ZMAT4: variants seen among roughly 807,000 people sequenced by gnomAD.
The protein encoded by ZMAT4 is zinc finger matrin-type protein 4.
Under a neutral mutation model 28.7 loss-of-function variants are expected in ZMAT4, and 17 were observed. The ratio of observed to expected loss-of-function variants is 0.59; its 90% confidence interval spans 0.41 to 0.89. The LOEUF (loss-of-function observed/expected upper bound fraction) is 0.89. ZMAT4 is among the 40% of genes least tolerant of loss of function. The pLI, the probability that ZMAT4 is intolerant of heterozygous loss-of-function variation, is 0.00. For missense variants in ZMAT4, 240 were observed against 283.8 expected (o/e 0.85, Z 1.11); for synonymous variants, 117 against 109.2 (o/e 1.07, Z -0.44).
intron 2 of ZMAT4, among the ~76,000 whole-genome samples, chr8:40,824,407 A>G (rs1017215864): frequency 3.3e-5 from 5 of 152,178 alleles, no homozygotes; most frequent in Non-Finnish European, 5.9e-5. Context: ...CTCGTGCCAC[A>G]GCACTCCAGC....
chr8:40,709,726 G>T (rs986293487), intron 3 of ZMAT4, among the ~76,000 whole-genome samples: 1 of 152,178 alleles, frequency 6.6e-6, no homozygotes, highest in Non-Finnish European at 1.5e-5. Flanking sequence ...AATGACTATG[G>T]AGACATTGAT....
intron 4 of ZMAT4, among the ~76,000 whole-genome samples, chr8:40,682,022 A>C (rs879301763): frequency 1.3e-5 from 2 of 152,156 alleles, no homozygotes; most frequent in African/African-American, 2.4e-5. Flanking sequence ...TTATATAACT[A>C]TAACTACTAC....
intron 3 of ZMAT4, among the ~76,000 whole-genome samples, chr8:40,756,085 C>T (rs1348190490): frequency 1.3e-5 from 2 of 152,068 alleles, no homozygotes; most frequent in African/African-American, 4.8e-5. Context: ...GGACCTTAAA[C>T]ATTATTGCTT....
chr8:40,846,381 G>A (rs1816900215), intron 1 of ZMAT4, among the ~76,000 whole-genome samples: 1 of 152,188 alleles, frequency 6.6e-6, no homozygotes, highest in South Asian at 2.1e-4. Flanking sequence ...AAGGCGCAGA[G>A]CTCAGGGCTG....
At chr8:40,861,906 A>G (rs1015371121) in intron 1 of ZMAT4, among the ~76,000 whole-genome samples, 3 of 152,162 alleles carry the variant, frequency 2.0e-5, no homozygotes, top group African/African-American at 4.8e-5. Flanking sequence ...CAATCATTAA[A>G]AAGTCAGGAA....
chr8:40,691,247 T>G (rs1809649340), intron 4 of ZMAT4, among the ~76,000 whole-genome samples: 1 of 152,176 alleles, frequency 6.6e-6, no homozygotes. Flanking sequence ...AACTCATGTC[T>G]GAGCAAAGCT....
chr8:40,609,342 C>T (rs764441468), intron 5 of ZMAT4, among the ~76,000 whole-genome samples: 1 of 152,080 alleles, frequency 6.6e-6, no homozygotes, highest in Non-Finnish European at 1.5e-5. Flanking sequence ...GTTCTCAGAC[C>T]AGCATTGGTC....
intron 4 of ZMAT4, among the ~76,000 whole-genome samples, chr8:40,695,323 C>T (rs1387209748): frequency 6.6e-6 from 1 of 152,196 alleles, no homozygotes; most frequent in Non-Finnish European, 1.5e-5. Context: ...GTTTAGCTTC[C>T]TAGGCCCTCT....
chr8:40,812,627 AC>A (rs772663291), intron 2 of ZMAT4, among the ~76,000 whole-genome samples: 3 of 152,176 alleles, frequency 2.0e-5, no homozygotes, highest in Non-Finnish European at 4.4e-5. Flanking sequence ...ATTGGACTTG[AC>A]ACTTTAAAAT....
intron 4 of ZMAT4, among the ~76,000 whole-genome samples, chr8:40,680,015 G>A (rs1377349978): frequency 6.6e-6 from 1 of 152,150 alleles, no homozygotes; most frequent in African/African-American, 2.4e-5. Flanking sequence ...ATAAATATAA[G>A]CCAGTATCTG....
intron 1 of ZMAT4, among the ~76,000 whole-genome samples, chr8:40,862,371 G>A (rs1263857175): frequency 2.2e-5 from 3 of 134,902 alleles, no homozygotes; most frequent in Non-Finnish European, 4.6e-5. Context: ...ACTGAACAAT[G>A]AGATCACTTG....
At chr8:40,832,831 G>A (rs1007067485) in intron 1 of ZMAT4, among the ~76,000 whole-genome samples, 7 of 152,188 alleles carry the variant, frequency 4.6e-5, no homozygotes, top group Admixed American at 3.3e-4. Flanking sequence ...TTAAAACAAA[G>A]GAGAGGGGCT....
At chr8:40,873,927 A>G (rs1817948938) in intron 1 of ZMAT4, among the ~76,000 whole-genome samples, 1 of 152,198 alleles carries the variant, frequency 6.6e-6, no homozygotes, top group African/African-American at 2.4e-5. Context: ...GAGTAAGCCC[A>G]GCGTGCGTGA....
intron 5 of ZMAT4, among the ~76,000 whole-genome samples, chr8:40,649,948 C>T (rs1000573566): frequency 3.3e-4 from 50 of 151,754 alleles, no homozygotes; most frequent in African/African-American, 1.2e-3. Flanking sequence ...AAATTTATAG[C>T]ACTAAATGCC....
At chr8:40,702,482 A>G (rs188654111) in intron 3 of ZMAT4, among the ~76,000 whole-genome samples, 4 of 152,358 alleles carry the variant, frequency 2.6e-5, no homozygotes, top group African/African-American at 7.2e-5. Context: ...GGAGTAACCT[A>G]AGGCTGCTCA....
intron 3 of ZMAT4, among the ~76,000 whole-genome samples, chr8:40,701,319 C>A (rs940209649): frequency 9.9e-5 from 15 of 151,882 alleles, no homozygotes; most frequent in African/African-American, 2.2e-4. Context: ...AAAGAGGGAC[C>A]AGGCAATTTT....
intron 1 of ZMAT4, among the ~76,000 whole-genome samples, chr8:40,861,877 C>T (rs1210939972): frequency 6.6e-6 from 1 of 152,166 alleles, no homozygotes; most frequent in East Asian, 1.9e-4. Context: ...GAGATACCAT[C>T]TCACACCAGT....
At chr8:40,623,237 A>G (rs947154779) in intron 5 of ZMAT4, among the ~76,000 whole-genome samples, 2 of 152,188 alleles carry the variant, frequency 1.3e-5, no homozygotes, top group African/African-American at 2.4e-5. Context: ...AGAGAATAAC[A>G]TGGTCATCCG....
intron 1 of ZMAT4, among the ~76,000 whole-genome samples, chr8:40,863,891 A>G (rs1294340134): frequency 1.3e-5 from 2 of 152,222 alleles, no homozygotes; most frequent in Non-Finnish European, 2.9e-5. Context: ...TTATTACAAC[A>G]CTTACCTATA....
Sources: allele counts gnomAD v4.1 joint callset (sites outside exome capture counted in the v4.1 genomes callset), GRCh38; gene constraint gnomAD v4.1.1; transcripts MANE v1.5; gene names NCBI Gene and HGNC (gene_info 2026-07-23, HGNC 2026-07-21).